The following MTMR3 variants were observed in gnomAD, a reference collection of about 807,000 sequenced individuals.
The protein encoded by MTMR3 is myotubularin related protein 3.
In MTMR3, 32 loss-of-function variants were observed where a neutral mutation model predicts 132.4. The observed-to-expected ratio is 0.24, with a 90% CI of 0.18 to 0.32. The LOEUF (loss-of-function observed/expected upper bound fraction) is 0.32. Ranked by LOEUF, MTMR3 falls within the 10% of genes least tolerant of loss-of-function variation. MTMR3 has a pLI of 1.00. For missense variants in MTMR3, 1,216 were observed against 1,489.6 expected (o/e 0.82, Z 3.02); for synonymous variants, 556 against 550.3 (o/e 1.01, Z -0.14).
At chr22:29,953,862 A>G (rs891749730) in intron 1 of MTMR3, among the ~76,000 whole-genome samples, 7 of 152,122 alleles carry the variant, frequency 4.6e-5, no homozygotes, top group African/African-American at 1.7e-4. Flanking sequence ...TTTTTAGGTA[A>G]TTGCTTAGAT....
intron 10 of MTMR3, 121 bp from the exon 11 acceptor site, chr22:30,007,780 G>A (rs56174651): frequency 0.023 from 27,232 of 1,188,338 alleles, 416 homozygotes; most frequent in Non-Finnish European, 0.026. Flanking sequence ...AAGGGTTTTG[G>A]TTAGGGGATT....
At chr22:29,964,838 G>T (rs2066382494) in intron 2 of MTMR3, among the ~76,000 whole-genome samples, 2 of 152,058 alleles carry the variant, frequency 1.3e-5, no homozygotes, top group Non-Finnish European at 2.9e-5. Context: ...TGTTGTATTT[G>T]GACTGTATTT....
chr22:29,930,924 T>C (rs2065629905), intron 1 of MTMR3, among the ~76,000 whole-genome samples: 1 of 151,070 alleles, frequency 6.6e-6, no homozygotes, highest in East Asian at 1.9e-4. Flanking sequence ...GGTGGATCAC[T>C]TGATCCTGGG....
intron 1 of MTMR3, among the ~76,000 whole-genome samples, chr22:29,941,380 C>A (rs915853504): frequency 3.9e-5 from 6 of 152,098 alleles, no homozygotes; most frequent in Non-Finnish European, 7.4e-5. Context: ...TGTGTCCAGA[C>A]CTTTTTGTGA....
intron 3 of MTMR3, 51 bp downstream of exon 3, chr22:29,971,113 T>C (rs771025344): frequency 6.4e-6 from 10 of 1,560,240 alleles, no homozygotes; most frequent in Non-Finnish European, 8.7e-6. Context: ...CCCTGTGTCC[T>C]GACAATTAAG....
At position 30,025,855 on chromosome 22, in the gene MTMR3, A is replaced by G. The variant is rs2067901793; in HGVS notation, c.*54A>G. On this transcript the variant is annotated 3_prime_UTR_variant, in exon 20 of 20. Coordinates refer to ENST00000401950, the MANE Select transcript of MTMR3 (RefSeq NM_021090.4). Reference sequence around the variant, plus strand: ...AAGCTGCTGTTCCTATGACAGGCCCACTCAACCTGGGCAGACCGAGAGGCC... The same window carrying G: ...AAGCTGCTGTTCCTATGACAGGCCCGCTCAACCTGGGCAGACCGAGAGGCC... 2 of 1,592,834 alleles carry G rather than the reference A, an allele frequency of 1.3e-6. No homozygotes were observed. The highest frequency in any genetic ancestry group is 1.3e-5 in the African/African-American group (1 of 74,366).
At chr22:29,958,506 C>T (rs2066244805) in intron 2 of MTMR3, among the ~76,000 whole-genome samples, 1 of 152,154 alleles carries the variant, frequency 6.6e-6, no homozygotes, top group Non-Finnish European at 1.5e-5. Context: ...TCCTGTCTCT[C>T]AAATACTCTC....
At chr22:30,002,673 CAACAA>C (rs553054269) in intron 8 of MTMR3, 163 of 490,094 alleles carry the variant, frequency 3.3e-4, no homozygotes, top group South Asian at 1.9e-3. Flanking sequence ...ACATTTAAGG[CAACAA>C]AACAAAACAA....
At chr22:29,890,432 C>T (rs2145702612) in intron 1 of MTMR3, among the ~76,000 whole-genome samples, 1 of 152,012 alleles carries the variant, frequency 6.6e-6, no homozygotes, top group Non-Finnish European at 1.5e-5. Context: ...CACAGAGAAT[C>T]ACTTGAACCC....
Position 30,026,246 on chromosome 22 carries a change from G to A in MTMR3, c.*445G>A, listed in dbSNP as rs531260381. ...ACATGCAACCATTCCTCACGCCACC[G>A]CCACATCAGAGCTGGTTGGGAACCC... On this transcript the variant is annotated 3_prime_UTR_variant, in exon 20 of 20. Transcript: ENST00000401950. 1.4e-4 allele frequency: 23 copies of A among 169,202 alleles called. No homozygotes were observed. The East Asian group carries it at 3.4e-3, about 25-fold the overall frequency. The allele number at this position is 169,202 out of a possible 1,614,324, so 10.5% of individuals were successfully genotyped here.
chr22:29,916,186 T>TA, intron 1 of MTMR3, among the ~76,000 whole-genome samples: 1 of 152,320 alleles, frequency 6.6e-6, no homozygotes, highest in Non-Finnish European at 1.5e-5. Context: ...GCTGTGTTTA[T>TA]AAAGGTTTCA....
Position 30,002,902 on chromosome 22 carries a change from G to C in MTMR3, c.580G>C (p.Glu194Gln). ...KYKLCGSYPQ[E>Q]LIVPAWITDK... ...TAGATTATGTGGTAGCTATCCTCAA[G>C]AGCTCATAGTGCCTGCCTGGATCAC... The change falls in exon 9 of 20, where the codon GAG (glutamate) becomes CAG (glutamine). Residue 194 changes from glutamate (E) to glutamine (Q), a missense_variant. Glu to Gln is a conservative substitution (Grantham distance 29). Transcript: ENST00000401950. 1 of 1,613,738 alleles carries C rather than the reference G, an allele frequency of 6.2e-7. No individual in the cohort carries two copies. Among genetic ancestry groups the C allele is most frequent in the Non-Finnish European group, 8.5e-7 (1 of 1,179,784 alleles).
intron 1 of MTMR3, among the ~76,000 whole-genome samples, chr22:29,951,564 T>G (rs942656710): frequency 2.0e-5 from 3 of 152,186 alleles, no homozygotes; most frequent in Non-Finnish European, 4.4e-5. Context: ...TTACTTTGCT[T>G]TTCATTTCTC....
chr22:29,911,031 T>C (rs145379694), intron 1 of MTMR3, among the ~76,000 whole-genome samples: 28 of 152,316 alleles, frequency 1.8e-4, no homozygotes, highest in Non-Finnish European at 2.9e-4. Flanking sequence ...GAATAGAACA[T>C]GCACTGGATT....
chr22:29,953,188 T>C (rs1342767019), intron 1 of MTMR3, among the ~76,000 whole-genome samples: 2 of 152,216 alleles, frequency 1.3e-5, no homozygotes, highest in Non-Finnish European at 2.9e-5. Context: ...CAAGACTATG[T>C]AGAAAGTATT....
chr22:29,986,022 A>G (rs1277451489), intron 5 of MTMR3: 1 of 152,198 alleles, frequency 6.6e-6, no homozygotes, highest in Non-Finnish European at 1.5e-5. Flanking sequence ...GCTGGTTTTC[A>G]TGTCTTCTGT....
intron 3 of MTMR3, among the ~76,000 whole-genome samples, chr22:29,974,438 G>A (rs1418772736): frequency 6.6e-6 from 1 of 152,212 alleles, no homozygotes; most frequent in Non-Finnish European, 1.5e-5. Context: ...AAGTTCTGAA[G>A]CTTTACAGGT....
intron 7 of MTMR3, 63 bp downstream of exon 7, chr22:29,991,733 T>C (rs1444786767): frequency 9.5e-6 from 14 of 1,476,330 alleles, no homozygotes; most frequent in Middle Eastern, 1.8e-4. Flanking sequence ...GGAGGTACTT[T>C]TAACATGAAA....
intron 17 of MTMR3, 131 bp from the exon 18 acceptor site, chr22:30,021,898 C>G (rs1363597725): frequency 3.0e-6 from 2 of 670,848 alleles, no homozygotes; most frequent in Non-Finnish European, 2.7e-6. Flanking sequence ...ATGGCTGATG[C>G]ATCTGCAGAT....
Sources: allele counts gnomAD v4.1 joint callset (sites outside exome capture counted in the v4.1 genomes callset), GRCh38; gene constraint gnomAD v4.1.1; transcripts MANE v1.5; gene names NCBI Gene and HGNC (gene_info 2026-07-23, HGNC 2026-07-21).